ADAMTS17: variants seen among roughly 807,000 people sequenced by gnomAD.
ADAMTS17 encodes A disintegrin and metalloproteinase with thrombospondin motifs 17.
ADAMTS17 carries 113 observed loss-of-function variants against 141.5 expected under a neutral mutation model. The ratio of observed to expected loss-of-function variants is 0.80; its 90% CI spans 0.69 to 0.93. The LOEUF is 0.93. Among genes scored for constraint, ADAMTS17 ranks in the 40% least tolerant of loss-of-function variants. ADAMTS17 has a pLI of 0.00. For missense variants in ADAMTS17, 1,659 were observed against 1,517.9 expected (o/e 1.09, Z -1.54); for synonymous variants, 768 against 630.6 (o/e 1.22, Z -3.27).
intron 6 of ADAMTS17, chr15:100,256,580 C>G (rs559194120): frequency 2.0e-5 from 3 of 152,350 alleles, no homozygotes; most frequent in African/African-American, 7.2e-5. Flanking sequence ...ACGCGCAAAG[C>G]CTGGCAAGAG....
chr15:100,036,710 C>T (rs769713457), intron 18 of ADAMTS17, among the ~76,000 whole-genome samples: 10 of 152,240 alleles, frequency 6.6e-5, no homozygotes, highest in African/African-American at 2.2e-4. Context: ...AATCCTGTAA[C>T]CCTTTAGTTA....
intron 3 of ADAMTS17, among the ~76,000 whole-genome samples, chr15:100,292,685 T>C (rs181553838): frequency 6.6e-6 from 1 of 152,356 alleles, no homozygotes; most frequent in Admixed American, 6.5e-5. Flanking sequence ...ATGTGCAAAC[T>C]GAGGCACAAG....
At chr15:100,040,317 T>G (rs2031132687) in intron 18 of ADAMTS17, among the ~76,000 whole-genome samples, 1 of 152,248 alleles carries the variant, frequency 6.6e-6, no homozygotes, top group Admixed American at 6.5e-5. Flanking sequence ...GGCTGATGTT[T>G]CTTCCAGAAC....
chr15:100,152,685 C>G lies in ADAMTS17; in HGVS notation c.1400G>C (p.Gly467Ala). ...HTVRLPHKLP[G>A]MHYSANEQCQ... is the part of the protein sequence containing the mutation. ...CTGCTCGTTGGCACTGTAGTGCATG[C>G]CCGGCAGCTTGTGCGGGAGGCGTAC... Residue 467 changes from glycine to alanine, a missense_variant, in exon 10 of 22, where the codon GGC (glycine) becomes GCC (alanine). By Grantham distance (60) the Gly-to-Ala change is moderately conservative. Transcript: ENST00000268070. 6.2e-7 allele frequency: 1 copy of G among 1,614,220 alleles called. No homozygotes were observed.
intron 8 of ADAMTS17, among the ~76,000 whole-genome samples, chr15:100,165,872 C>A (rs1411328426): frequency 6.6e-6 from 1 of 152,092 alleles, no homozygotes; most frequent in African/African-American, 2.4e-5. Context: ...TGAACCAATT[C>A]TTTTTCCTTT....
intron 7 of ADAMTS17, among the ~76,000 whole-genome samples, chr15:100,229,239 T>C (rs545261827): frequency 3.3e-5 from 5 of 152,210 alleles, no homozygotes; most frequent in African/African-American, 1.2e-4. Flanking sequence ...GCAAAGATGG[T>C]TTCAGGCTAT....
intron 18 of ADAMTS17, among the ~76,000 whole-genome samples, chr15:100,014,271 CTCT>C (rs1283949582): frequency 6.6e-6 from 1 of 152,064 alleles, no homozygotes; most frequent in Non-Finnish European, 1.5e-5. Flanking sequence ...TGGATTTTCT[CTCT>C]TCTTTTCTTG....
intron 20 of ADAMTS17, among the ~76,000 whole-genome samples, chr15:99,986,166 G>T (rs1439392299): frequency 1.3e-5 from 2 of 152,230 alleles, no homozygotes; most frequent in East Asian, 1.9e-4. Flanking sequence ...GGGCAGGGGG[G>T]TTCAGGCCCC....
In ADAMTS17 at chr15:100,268,345, T is replaced by A. The variant is rs113327975; in HGVS notation, c.790-5910A>T. 4.7e-3 allele frequency among the ~76,000 whole-genome samples: 712 copies of A among 152,328 alleles called. 5 individuals are homozygous for A. Among genetic ancestry groups the A allele is most frequent in the Admixed American group, 8.4e-3 (128 of 15,302 alleles). ...ATGGGATTGCTGGGTCAAAGGGTAGTTCTGTCTTGAGTTCTCTGAGAAATC... is the reference window on the plus strand; with the variant it reads ...ATGGGATTGCTGGGTCAAAGGGTAGATCTGTCTTGAGTTCTCTGAGAAATC... On this transcript the variant is annotated intron_variant, in intron 4 of 21. Coordinates refer to ENST00000268070, the MANE Select transcript of ADAMTS17 (RefSeq NM_139057.4).
In ADAMTS17 at chr15:100,155,172, G is replaced by A. The variant is rs748289163; in HGVS notation, c.1322+8C>T. ...GCATTCATCCTATAGAATAATTCCA[G>A]GACTTACTTGAGGAAGTTTTCAAGG... On this transcript the variant is annotated splice_region_variant and intron_variant, in intron 9 of 21. Transcript: ENST00000268070. 2.5e-6 allele frequency: 4 copies of A among 1,614,204 alleles called. No individual in the cohort carries two copies. The East Asian group carries it at 8.9e-5, about 36-fold the overall frequency.
At chr15:100,255,165 G>A (rs1027903431) in intron 6 of ADAMTS17, among the ~76,000 whole-genome samples, 1 of 152,142 alleles carries the variant, frequency 6.6e-6, no homozygotes, top group African/African-American at 2.4e-5. Context: ...GGGGAAACCA[G>A]GGGTCTAGGC....
chr15:100,206,436 T>C (rs77516258), intron 7 of ADAMTS17, among the ~76,000 whole-genome samples: 1 of 152,194 alleles, frequency 6.6e-6, no homozygotes, highest in Non-Finnish European at 1.5e-5. Flanking sequence ...CTGGTGAATT[T>C]TGAAAACTGT....
chr15:99,979,501 A>G (rs1424405069), intron 20 of ADAMTS17: 1 of 152,298 alleles, frequency 6.6e-6, no homozygotes, highest in African/African-American at 2.4e-5. Flanking sequence ...CCAATGCGGA[A>G]CAAAGCCACG....
intron 13 of ADAMTS17, among the ~76,000 whole-genome samples, chr15:100,112,244 C>T (rs1349431323): frequency 2.6e-5 from 4 of 152,184 alleles, no homozygotes; most frequent in East Asian, 1.9e-4. Flanking sequence ...CACGAAGGAA[C>T]GCTCAGCTCC....
intron 15 of ADAMTS17, among the ~76,000 whole-genome samples, chr15:100,075,367 A>T (rs754001009): frequency 2.6e-5 from 4 of 152,202 alleles, no homozygotes; most frequent in Non-Finnish European, 4.4e-5. Context: ...AGATGGGCTT[A>T]TGGGAATTCC....
chr15:100,059,517 C>G (rs116747215), intron 15 of ADAMTS17, among the ~76,000 whole-genome samples: 1,758 of 152,308 alleles, frequency 0.012, 34 homozygotes, highest in African/African-American at 0.04. Context: ...TTGCAATTTG[C>G]CGTGGTCCAT....
chr15:100,061,435 C>CT lies in ADAMTS17; in HGVS notation c.2138-7382dup, dbSNP rs376450475. Among the ~76,000 whole-genome samples the CT allele has an allele frequency of 1.3e-3, 195 of 152,226 alleles. 1 individual carries two copies. The highest frequency in any genetic ancestry group is 4.3e-3 in the African/African-American group (180 of 41,548). ...AGCCACTATCGCGGATGCTATTGTT[C>CT]TTTTTTTGTATACATGGCCCTCAGG... On this transcript the variant is annotated intron_variant, in intron 15 of 21. Transcript: ENST00000268070.
Position 99,997,674 on chromosome 15 carries a change from G to A in ADAMTS17, c.2592-85C>T. 1 of 1,555,540 alleles carries A rather than the reference G, an allele frequency of 6.4e-7. No individual in the cohort carries two copies. The highest frequency in any genetic ancestry group is 8.8e-7 in the Non-Finnish European group (1 of 1,134,452). The stretch of plus-strand genomic sequence containing the variant: ...GGCCTTCCGGCCGGATCCTGGAATT[G>A]CTGCCCTGTGGTGGGAGAGAGGGAG... On this transcript the variant is annotated intron_variant, in intron 18 of 21. Transcript: ENST00000268070. This position sits in a 1 kb window ranked among gnomAD's most constrained non-coding sequence, Gnocchi z 4.7.
intron 8 of ADAMTS17, among the ~76,000 whole-genome samples, chr15:100,162,802 T>A (rs1299210282): frequency 1.4e-5 from 2 of 144,756 alleles, no homozygotes; most frequent in African/African-American, 2.5e-5. Context: ...ATACACAGTA[T>A]ATATGCACAC....
Sources: allele counts gnomAD v4.1 joint callset (sites outside exome capture counted in the v4.1 genomes callset), GRCh38; gene constraint gnomAD v4.1.1; non-coding constraint Gnocchi (gnomAD v3.1); transcripts MANE v1.5; gene names NCBI Gene and HGNC (gene_info 2026-07-23, HGNC 2026-07-21).